Variants in JAK2 observed in about 807,000 individuals in gnomAD.
JAK2 encodes Janus kinase 2, also known as tyrosine-protein kinase JAK2.
In JAK2, 86 loss-of-function variants were observed where a neutral mutation model predicts 139.3. The ratio of observed to expected loss-of-function variants is 0.62; its 90% CI spans 0.52 to 0.74. The LOEUF is 0.74. Ranked by LOEUF, JAK2 falls within the 30% of genes least tolerant of loss-of-function variation. The probability of loss-of-function intolerance (pLI) is 0.00; values close to 1 mark genes in which losing one functional copy is unlikely to be tolerated. For synonymous variants in JAK2, 490 were observed against 437.7 expected, an observed-to-expected ratio of 1.12 and a Z score of -1.49; for missense variants, 1,421 against 1,360.3, an observed-to-expected ratio of 1.04 and a Z score of -0.70.
intron 3 of JAK2, among the ~76,000 whole-genome samples, chr9:5,027,351 A>G (rs1185681013): frequency 6.6e-6 from 1 of 152,212 alleles, no homozygotes; most frequent in East Asian, 1.9e-4. Flanking sequence ...GTATGCAATA[A>G]TATTATGTCC....
intron 19 of JAK2, among the ~76,000 whole-genome samples, chr9:5,083,308 A>T (rs1819844417): frequency 6.6e-6 from 1 of 152,182 alleles, no homozygotes. Context: ...CCTACATATT[A>T]TAAGTAAGAC....
chr9:5,040,132 C>T (rs1402669862), intron 4 of JAK2, among the ~76,000 whole-genome samples: 1 of 152,164 alleles, frequency 6.6e-6, no homozygotes, highest in Non-Finnish European at 1.5e-5. Context: ...AAGGAATTGA[C>T]AGTCTCAATA....
chr9:4,997,189 C>T (rs1317373847), intron 2 of JAK2, among the ~76,000 whole-genome samples: 1 of 152,042 alleles, frequency 6.6e-6, no homozygotes, highest in Non-Finnish European at 1.5e-5. Flanking sequence ...GCATCAGCCT[C>T]CCAAAGTGCT....
At chr9:5,123,842 C>G (rs1385256774) in intron 23 of JAK2, among the ~76,000 whole-genome samples, 1 of 150,568 alleles carries the variant, frequency 6.6e-6, no homozygotes, top group African/African-American at 2.4e-5. Context: ...ATTTTTTTTT[C>G]CATTCTGACT....
At chr9:5,009,930 G>A (rs1419532005) in intron 2 of JAK2, among the ~76,000 whole-genome samples, 6 of 152,028 alleles carry the variant, frequency 3.9e-5, no homozygotes, top group Admixed American at 3.9e-4. Context: ...ACTACATGCT[G>A]GCTAATTTTT....
intron 2 of JAK2, among the ~76,000 whole-genome samples, chr9:5,020,934 C>T (rs146964463): frequency 6.6e-6 from 1 of 152,172 alleles, no homozygotes; most frequent in East Asian, 1.9e-4. Flanking sequence ...CTGCTTAGGA[C>T]TCAGGGGTGT....
chr9:5,087,769 G>A (rs1446696314), intron 19 of JAK2, among the ~76,000 whole-genome samples: 3 of 151,078 alleles, frequency 2.0e-5, no homozygotes, highest in Non-Finnish European at 4.4e-5. Context: ...AAGTCCCTTT[G>A]AAATGTTCTT....
At chr9:5,042,011 G>A in intron 4 of JAK2, 1 of 335,750 alleles carries the variant, frequency 3.0e-6, no homozygotes, top group Non-Finnish European at 5.8e-6. Context: ...CACCCACAGC[G>A]GCCCAGGGCC....
intron 2 of JAK2, among the ~76,000 whole-genome samples, chr9:5,011,059 G>A (rs1359839464): frequency 6.6e-6 from 1 of 152,120 alleles, no homozygotes; most frequent in Admixed American, 6.5e-5. Context: ...TTTGTCTTTG[G>A]TTTTTAGCAG....
chr9:4,984,607 C>G (rs955046175), upstream of JAK2: 4 of 152,662 alleles, frequency 2.6e-5, no homozygotes, highest in African/African-American at 9.6e-5. Context: ...GGCGCCACTT[C>G]CCCTCGGCCT....
chr9:5,014,168 T>TC (rs1268305481), intron 2 of JAK2, among the ~76,000 whole-genome samples: 26 of 148,740 alleles, frequency 1.7e-4, no homozygotes, highest in African/African-American at 5.9e-4. Context: ...CTCTTTCTTT[T>TC]TTTTTTTTTT....
In JAK2 at chr9:5,069,058, A is replaced by C; in HGVS notation, c.1363A>C (p.Thr455Pro). The change falls in exon 11 of 25, where the codon ACA (threonine) becomes CCA (proline). Residue 455 changes from threonine (T) to proline (P), a missense_variant. By Grantham distance (38) the Thr-to-Pro change is conservative. Coordinates refer to ENST00000381652, the MANE Select transcript of JAK2 (RefSeq NM_004972.4). ...NVIEYKHCLI[T>P]KNENEEYNLS... ...CATTGAATATAAACACTGTTTGATTACAAAAAATGAGAATGAAGAGTACAA... is the reference window on the plus strand; with the variant it reads ...CATTGAATATAAACACTGTTTGATTCCAAAAAATGAGAATGAAGAGTACAA... 1 of 1,601,886 alleles carries C rather than the reference A, an allele frequency of 6.2e-7. No homozygotes were observed. The highest frequency in any genetic ancestry group is 8.5e-7 in the Non-Finnish European group (1 of 1,174,504).
intron 2 of JAK2, among the ~76,000 whole-genome samples, chr9:5,002,309 A>G (rs563629169): frequency 6.2e-4 from 94 of 151,968 alleles, no homozygotes; most frequent in African/African-American, 2.2e-3. Context: ...CCACTATTTT[A>G]GCTGTATTCC....
At chr9:5,099,968 T>A (rs1382828170) in intron 22 of JAK2, 1 of 152,192 alleles carries the variant, frequency 6.6e-6, no homozygotes. Flanking sequence ...ATGCCACTTA[T>A]CCCTATACTA....
chr9:5,041,164 T>G, intron 4 of JAK2: 1 of 1,219,318 alleles, frequency 8.2e-7, no homozygotes. Context: ...GCATGGATTA[T>G]GTGCACACCA....
In JAK2 at chr9:5,036,496, C is replaced by A. The variant is rs1310826873; in HGVS notation, c.350+6590C>A. On this transcript the variant is annotated intron_variant, in intron 4 of 24. Transcript: ENST00000381652. ...AAACTATACTACAAGGCTACAGTAA[C>A]CAAAACAGCATGGTACTGGTATCAA... 5.9e-5 allele frequency among the ~76,000 whole-genome samples: 9 copies of A among 152,250 alleles called. No homozygotes were observed. The East Asian group carries it at 1.5e-3, about 26-fold the overall frequency.
intron 4 of JAK2, chr9:5,042,052 G>A (rs975131884): frequency 3.7e-6 from 1 of 271,614 alleles, no homozygotes; most frequent in Non-Finnish European, 7.2e-6. Flanking sequence ...GACACAGACT[G>A]CAGGGTCTTG....
chr9:4,989,805 T>C (rs1402431791), intron 2 of JAK2, among the ~76,000 whole-genome samples: 1 of 152,174 alleles, frequency 6.6e-6, no homozygotes, highest in Non-Finnish European at 1.5e-5. Flanking sequence ...ATAACTTGAC[T>C]GAAATGAAGA....
chr9:4,988,501 CT>C (rs903543382), intron 2 of JAK2, among the ~76,000 whole-genome samples: 1 of 152,110 alleles, frequency 6.6e-6, no homozygotes, highest in Non-Finnish European at 1.5e-5. Context: ...TTCTTTTGGC[CT>C]GGGGGTGTCG....
Sources: gnomAD v4.1 joint callset for allele counts (sites outside exome capture counted in the v4.1 genomes callset) on GRCh38, gnomAD v4.1.1 for gene constraint, MANE v1.5 for transcripts, NCBI Gene and HGNC (gene_info 2026-07-23, HGNC 2026-07-21) for gene names.